ANLN: variants seen among roughly 807,000 people sequenced by gnomAD.
ANLN encodes the protein anillin.
ANLN carries 59 observed loss-of-function variants against 135.1 expected under a neutral mutation model. The observed-to-expected ratio is 0.44, with a 90% CI of 0.35 to 0.54. ANLN has a LOEUF of 0.54. Ranked by LOEUF, ANLN falls within the 20% of genes least tolerant of loss-of-function variation. ANLN has a pLI of 0.00. For synonymous variants in ANLN, 406 were observed against 456.4 expected, an observed-to-expected ratio of 0.89 and a Z score of 1.41; for missense variants, 1,182 against 1,340.0, an observed-to-expected ratio of 0.88 and a Z score of 1.84.
chr7:36,445,034 C>T (rs80013962), intron 22 of ANLN, among the ~76,000 whole-genome samples: 3 of 151,926 alleles, frequency 2.0e-5, no homozygotes, highest in Non-Finnish European at 4.4e-5. Context: ...ATTCTCTCTC[C>T]CGCAGAGATA....
intron 20 of ANLN, chr7:36,428,290 T>C: frequency 2.4e-6 from 3 of 1,252,496 alleles, no homozygotes; most frequent in Non-Finnish European, 3.1e-6. Context: ...CTCTGTCTCT[T>C]ATTTTGTCTG....
At chr7:36,438,252 A>C (rs1288638438) in intron 20 of ANLN, among the ~76,000 whole-genome samples, 1 of 152,188 alleles carries the variant, frequency 6.6e-6, no homozygotes, top group East Asian at 1.9e-4. Flanking sequence ...TCCGCTTTAA[A>C]TGGTCTTGGC....
chr7:36,394,157 T>A (rs1398955698), intron 1 of ANLN, among the ~76,000 whole-genome samples: 1 of 152,212 alleles, frequency 6.6e-6, no homozygotes, highest in Admixed American at 6.5e-5. Flanking sequence ...AGAGACAGGA[T>A]CTTGCTTTGT....
rs374024511 is a variant in ANLN at position 36,418,422 on chromosome 7, A to G, written c.1634-822A>G. ...TGTGAGGCCTAATGCACCCAACATT[A>G]TAACGAAAGACAGTAACTAGGGATA... On this transcript the variant is annotated intron_variant, in intron 9 of 23. Coordinates refer to ENST00000265748, the MANE Select transcript of ANLN (RefSeq NM_018685.5). Among the ~76,000 whole-genome samples the G allele has an allele frequency of 4.9e-4, 74 of 152,358 alleles. 2 individuals are homozygous for G. The South Asian group carries it at 0.013, about 27-fold the overall frequency.
At chr7:36,390,289 G>A in intron 1 of ANLN, 1 of 590,828 alleles carries the variant, frequency 1.7e-6, no homozygotes, top group East Asian at 2.9e-5. Context: ...TGTCCTAAAA[G>A]GCTGTTGCGA....
intron 21 of ANLN, among the ~76,000 whole-genome samples, chr7:36,441,350 TAAG>T (rs960753713): frequency 6.6e-6 from 1 of 152,234 alleles, no homozygotes; most frequent in African/African-American, 2.4e-5. Context: ...AAAAATGTAG[TAAG>T]AAAGAGCTCT....
intron 3 of ANLN, among the ~76,000 whole-genome samples, chr7:36,405,111 A>G (rs529330386): frequency 2.0e-5 from 3 of 152,208 alleles, no homozygotes; most frequent in South Asian, 4.1e-4. Flanking sequence ...TTTTTACTGT[A>G]CTTTTTCTAT....
intron 3 of ANLN, among the ~76,000 whole-genome samples, 182 bp from the exon 4 acceptor site, chr7:36,405,999 A>G (rs970303121): frequency 2.0e-5 from 3 of 152,352 alleles, no homozygotes; most frequent in African/African-American, 4.8e-5. Flanking sequence ...ATTTAATATC[A>G]TTTGATTTAA....
Position 36,417,154 on chromosome 7 carries a change from A to G in ANLN, c.1597A>G (p.Lys533Glu). The change falls in exon 9 of 24, where the codon AAA becomes GAA. Residue 533 changes from lysine (K) to glutamate (E), a missense_variant. By Grantham distance (56) the Lys-to-Glu change is moderately conservative (BLOSUM62 1). Transcript: ENST00000265748. ...TLFLEEDKSL[K>E]VTSDPKVEQK... is the part of the protein sequence containing the mutation. ...GTTTTTAGAAGAGGACAAATCCTTA[A>G]AAGTAACATCAGACCCAAAGGTTGA... The G allele has an allele frequency of 6.2e-7, 1 of 1,608,920 alleles. No homozygotes were observed. The highest frequency in any genetic ancestry group is 2.2e-5 in the East Asian group (1 of 44,700).
In ANLN at chr7:36,389,915, C is replaced by G; in HGVS notation, c.-112C>G. Reference sequence around the variant, plus strand: ...GGACAGCTGGTTGTGGGAGAGTTCCCCCGCCTCAGACTCCTGGTTTTTTCC... The same window carrying G: ...GGACAGCTGGTTGTGGGAGAGTTCCGCCGCCTCAGACTCCTGGTTTTTTCC... On this transcript the variant is annotated 5_prime_UTR_variant, in exon 1 of 24. Transcript: ENST00000265748. 4.4e-6 allele frequency: 7 copies of G among 1,596,832 alleles called. No individual in the cohort carries two copies. The highest frequency in any genetic ancestry group is 1.3e-5 in the African/African-American group (1 of 74,720).
At position 36,417,119 on chromosome 7, in the gene ANLN, A is replaced by C; in HGVS notation, c.1562A>C (p.Lys521Thr). 1 of 1,609,918 alleles carries C rather than the reference A, an allele frequency of 6.2e-7. No homozygotes were observed. The highest frequency in any genetic ancestry group is 8.5e-7 in the Non-Finnish European group (1 of 1,178,434). ...GAAATGACGAAATCTAGCCCTTTGA[A>C]AATAACATTGTTTTTAGAAGAGGAC... ...ECEMTKSSPL[K>T]ITLFLEEDKS... The change falls in exon 9 of 24, where the codon AAA (lysine) becomes ACA (threonine). Residue 521 changes from lysine (K) to threonine (T), a missense_variant. Lys to Thr is a moderately conservative substitution (Grantham distance 78). This residue lies in a region of ANLN where 1,022 missense variants were observed against 1,134.0 expected (regional missense o/e 0.90). Transcript: ENST00000265748.
intron 22 of ANLN, chr7:36,449,210 A>T (rs1397948638): frequency 6.6e-6 from 1 of 152,472 alleles, no homozygotes. Context: ...GCTGCCAACA[A>T]TCCAGGGCAG....
intron 7 of ANLN, among the ~76,000 whole-genome samples, chr7:36,414,442 GGAA>G (rs1434869745): frequency 6.6e-6 from 1 of 152,172 alleles, no homozygotes; most frequent in East Asian, 1.9e-4. Context: ...GTGACGAAAA[GGAA>G]GGAGGAAAGT....
chr7:36,427,130 G>A (rs1386069534), intron 20 of ANLN, 102 bp downstream of exon 20: 5 of 688,756 alleles, frequency 7.3e-6, no homozygotes, highest in African/African-American at 1.9e-5. Context: ...TGAAATCTTC[G>A]ACTGAAAACA....
At chr7:36,416,618 TA>T (rs1665913341) in intron 8 of ANLN, among the ~76,000 whole-genome samples, 1 of 152,146 alleles carries the variant, frequency 6.6e-6, no homozygotes, top group Non-Finnish European at 1.5e-5. Flanking sequence ...ACTTTGTTTT[TA>T]AAGTAAAAAA....
rs943445348 is a variant in ANLN at position 36,419,608 on chromosome 7, G to T, written c.1869+129G>T. The T allele has an allele frequency of 1.8e-5, 13 of 709,828 alleles. No homozygotes were observed. The East Asian group carries it at 3.5e-4, about 19-fold the overall frequency. 44.0% of individuals were successfully genotyped at this position (709,828 alleles called of 1,614,324 possible). On this transcript the variant is annotated intron_variant, in intron 10 of 23. Transcript: ENST00000265748. Reference sequence around the variant, plus strand: ...AGGGAATTTTGCAGACCTGTTGTCTGTTCTCTTAAAAGAAACCTTAAAACT... The same window carrying T: ...AGGGAATTTTGCAGACCTGTTGTCTTTTCTCTTAAAAGAAACCTTAAAACT...
At chr7:36,438,620 CCTT>C (rs1788643762) in intron 20 of ANLN, among the ~76,000 whole-genome samples, 1 of 152,118 alleles carries the variant, frequency 6.6e-6, no homozygotes, top group African/African-American at 2.4e-5. Context: ...GATCCTCACT[CCTT>C]GGCCTTCCAA....
At chr7:36,408,865 T>C (rs1787297756) in intron 5 of ANLN, among the ~76,000 whole-genome samples, 1 of 152,266 alleles carries the variant, frequency 6.6e-6, no homozygotes. Flanking sequence ...TTCCACGTAC[T>C]GTTAATTGAG....
intron 20 of ANLN, among the ~76,000 whole-genome samples, chr7:36,431,505 G>T (rs1212040966): frequency 7.1e-6 from 1 of 140,524 alleles, no homozygotes; most frequent in African/African-American, 2.6e-5. Flanking sequence ...TGTTACTTTA[G>T]ATATCTGTCT....
Sources: allele counts gnomAD v4.1 joint callset (sites outside exome capture counted in the v4.1 genomes callset), GRCh38; gene constraint gnomAD v4.1.1; regional missense constraint gnomAD v4.1.1; transcripts MANE v1.5; gene names NCBI Gene and HGNC (gene_info 2026-07-23, HGNC 2026-07-21).